INO80: variants seen among roughly 807,000 people sequenced by gnomAD.
INO80 encodes the protein INO80 complex ATPase subunit.
INO80 carries 20 observed loss-of-function variants against 203.4 expected under a neutral mutation model. That is an observed-to-expected ratio of 0.10 (90% CI 0.07 to 0.14). INO80 has a LOEUF of 0.14. INO80 is among the 10% of genes least tolerant of loss of function. The pLI is 1.00. For missense variants in INO80, 1,419 were observed against 1,914.4 expected (o/e 0.74, Z 4.83); for synonymous variants, 726 against 685.2 (o/e 1.06, Z -0.93).
intron 12 of INO80, among the ~76,000 whole-genome samples, chr15:41,071,512 T>C (rs1225516041): frequency 6.8e-6 from 1 of 146,076 alleles, no homozygotes; most frequent in Non-Finnish European, 1.5e-5. Flanking sequence ...TACAGTGCAA[T>C]GGCGCCATCT....
In INO80 at chr15:40,979,111, CT is replaced by C. The variant is rs922044793; in HGVS notation, c.*1111del. 6.6e-6 allele frequency: 1 copy of C among 152,590 alleles called. No individual in the cohort carries two copies. The highest frequency in any genetic ancestry group is 2.4e-5 in the African/African-American group (1 of 41,434). 9.5% of individuals were successfully genotyped at this position (152,590 alleles called of 1,614,324 possible). A position where few individuals can be genotyped will look rare whatever the true frequency, so the allele number is the denominator to read the frequency against. On this transcript the variant is annotated 3_prime_UTR_variant, in exon 36 of 36. Transcript: ENST00000648947. Reference sequence around the variant, plus strand: ...AAATTAAATGATTCCCCTATACCCCCTACTCCAAAAAAGTTTTAAAAATCAA... The same window carrying C: ...AAATTAAATGATTCCCCTATACCCCCACTCCAAAAAAGTTTTAAAAATCAA...
chr15:41,053,004 G>C (rs930690773), intron 19 of INO80, among the ~76,000 whole-genome samples: 6 of 152,168 alleles, frequency 3.9e-5, no homozygotes, highest in African/African-American at 1.4e-4. Context: ...CTGCACTCCA[G>C]TGTGGGTGAA....
chr15:41,083,054 G>A (rs922857794), intron 7 of INO80, among the ~76,000 whole-genome samples: 1 of 151,904 alleles, frequency 6.6e-6, no homozygotes, highest in Non-Finnish European at 1.5e-5. Context: ...AGGCCGAGGC[G>A]CACAGATCAT....
intron 1 of INO80, among the ~76,000 whole-genome samples, chr15:41,111,445 A>C (rs1038396167): frequency 2.0e-4 from 31 of 151,496 alleles, no homozygotes; most frequent in African/African-American, 7.0e-4. Flanking sequence ...ACTCCGTCTC[A>C]AAAAAAAGAA....
chr15:41,058,512 A>C, intron 16 of INO80, 127 bp downstream of exon 16: 1 of 913,506 alleles, frequency 1.1e-6, no homozygotes. Context: ...AAAATTAAAT[A>C]AAACTTCTCA....
At chr15:41,115,504 C>A (rs566312196) in intron 1 of INO80, among the ~76,000 whole-genome samples, 3 of 152,308 alleles carry the variant, frequency 2.0e-5, no homozygotes, top group Admixed American at 2.0e-4. Context: ...TCTCAACTTG[C>A]CCCTTACAAA....
chr15:41,045,002 C>T lies in INO80; in HGVS notation c.2809G>A (p.Gly937Arg), dbSNP rs1420260158. Residue 937 changes from glycine to arginine, a missense_variant, in exon 24 of 36, where the codon GGG (glycine) becomes AGG (arginine). Physicochemically the swap from Gly to Arg is moderately radical, Grantham distance 125. Around this residue, in one of 9 missense-constraint regions of INO80, gnomAD observed 302 missense variants for 345.4 expected, o/e 0.87. Coordinates refer to ENST00000648947, the MANE Select transcript of INO80 (RefSeq NM_017553.3). The part of the protein sequence containing the change: ...HQLRSWGAPE[G>R]ESHQRYLRNK... ...CTCAGGTATCTCTGGTGGCTCTCCC[C>T]TTCTGGCGCTCCCCAGGAGCGTAGC... The T allele has an allele frequency of 1.2e-6, 2 of 1,613,990 alleles. No individual in the cohort carries two copies. Among genetic ancestry groups the T allele is most frequent in the South Asian group, 2.2e-5 (2 of 91,060 alleles).
At chr15:40,982,775 G>A (rs1373265683) in intron 35 of INO80, 87 bp downstream of exon 35, 1 of 1,098,736 alleles carries the variant, frequency 9.1e-7, no homozygotes, top group Admixed American at 2.2e-5. Flanking sequence ...CCGGCTTCAG[G>A]GTTTCCTACA....
chr15:41,090,876 C>T (rs915783941), intron 5 of INO80, among the ~76,000 whole-genome samples: 1 of 150,242 alleles, frequency 6.7e-6, no homozygotes, highest in Admixed American at 6.6e-5. Flanking sequence ...CTAGTACATC[C>T]GAAGTATTAG....
At chr15:40,986,417 T>C (rs2043733981) in intron 31 of INO80, among the ~76,000 whole-genome samples, 1 of 143,796 alleles carries the variant, frequency 7.0e-6, no homozygotes, top group African/African-American at 2.5e-5. Flanking sequence ...CTCTGCCTCC[T>C]AGCTTCAAGG....
intron 29 of INO80, among the ~76,000 whole-genome samples, chr15:40,995,171 T>C (rs2043865883): frequency 6.6e-6 from 1 of 152,256 alleles, no homozygotes; most frequent in Non-Finnish European, 1.5e-5. Context: ...ATGCAGACTT[T>C]TGACTTCCTT....
intron 5 of INO80, among the ~76,000 whole-genome samples, chr15:41,091,349 C>T (rs149314719): frequency 1.2e-4 from 19 of 152,108 alleles, no homozygotes; most frequent in Non-Finnish European, 1.9e-4. Flanking sequence ...CGTGAGCCAC[C>T]GCACCCAGTC....
intron 4 of INO80, among the ~76,000 whole-genome samples, chr15:41,094,200 C>T (rs545696887): frequency 2.6e-5 from 4 of 152,298 alleles, no homozygotes; most frequent in Admixed American, 1.3e-4. Context: ...ACTCCAACGG[C>T]TTATGCCTAC....
At chr15:41,098,311 A>C (rs2045755525) in intron 1 of INO80, among the ~76,000 whole-genome samples, 1 of 152,238 alleles carries the variant, frequency 6.6e-6, no homozygotes. Context: ...ATATGCAATC[A>C]AAAGCACAAA....
chr15:40,990,536 C>T (rs2043803204), intron 29 of INO80, among the ~76,000 whole-genome samples: 1 of 152,128 alleles, frequency 6.6e-6, no homozygotes, highest in Non-Finnish European at 1.5e-5. Flanking sequence ...AAAATGGTTT[C>T]CCTCCATTTT....
chr15:41,032,676 T>C (rs2044508411), intron 24 of INO80, among the ~76,000 whole-genome samples: 1 of 152,326 alleles, frequency 6.6e-6, no homozygotes. Flanking sequence ...CCTTTGTGTA[T>C]TTTAAATTGC....
intron 29 of INO80, among the ~76,000 whole-genome samples, chr15:40,992,213 T>C (rs776066450): frequency 3.3e-5 from 5 of 152,270 alleles, no homozygotes; most frequent in Non-Finnish European, 7.3e-5. Context: ...ACAGGACTTC[T>C]TGAATCCCTG....
chr15:41,029,022 C>T (rs574536220), intron 24 of INO80, among the ~76,000 whole-genome samples: 1 of 152,284 alleles, frequency 6.6e-6, no homozygotes, highest in Admixed American at 6.5e-5. Context: ...GTATGTTATT[C>T]GTTTTATCTT....
intron 9 of INO80, 111 bp downstream of exon 9, chr15:41,079,590 A>AC (rs2045455180): frequency 2.0e-6 from 2 of 1,025,414 alleles, no homozygotes; most frequent in Non-Finnish European, 1.5e-6. Flanking sequence ...AAAAAAAAAA[A>AC]CAAAAAATTG....
Sources: gnomAD v4.1 joint callset for allele counts (sites outside exome capture counted in the v4.1 genomes callset) on GRCh38, gnomAD v4.1.1 for gene constraint, gnomAD v4.1.1 regional missense constraint, MANE v1.5 for transcripts, NCBI Gene and HGNC (gene_info 2026-07-23, HGNC 2026-07-21) for gene names.